MIPEP: variants seen among roughly 807,000 people sequenced by gnomAD.
The protein encoded by MIPEP is mitochondrial intermediate peptidase.
In MIPEP, 79 loss-of-function variants were observed where a neutral mutation model predicts 90.3. The observed-to-expected ratio is 0.87, with a 90% CI of 0.73 to 1.05. The LOEUF is 1.05. Ranked by LOEUF, MIPEP falls within the 50% of genes least tolerant of loss-of-function variation. The pLI, the probability that MIPEP is intolerant of heterozygous loss-of-function variation, is 0.00. For synonymous variants in MIPEP, 334 were observed against 315.8 expected, an observed-to-expected ratio of 1.06 and a Z score of -0.61; for missense variants, 940 against 905.6, an observed-to-expected ratio of 1.04 and a Z score of -0.49.
At chr13:23,839,097 G>C (rs2137459669) in intron 12 of MIPEP, among the ~76,000 whole-genome samples, 1 of 152,362 alleles carries the variant, frequency 6.6e-6, no homozygotes, top group South Asian at 2.1e-4. Context: ...TAAAGAAAAG[G>C]AGATGAGCTG....
chr13:23,884,223 G>C (rs182602403), intron 2 of MIPEP, among the ~76,000 whole-genome samples: 10 of 151,060 alleles, frequency 6.6e-5, no homozygotes, highest in Admixed American at 5.3e-4. Flanking sequence ...AGTGGGGAGG[G>C]GGGGGTGTGA....
At chr13:23,749,707 T>C (rs979687500) in intron 18 of MIPEP, among the ~76,000 whole-genome samples, 2 of 152,124 alleles carry the variant, frequency 1.3e-5, no homozygotes, top group African/African-American at 4.8e-5. Flanking sequence ...CATGCAACCA[T>C]CTCTATAACA....
chr13:23,786,946 G>A lies in MIPEP; in HGVS notation c.1848+19004C>T, dbSNP rs75948114. 1.0e-3 allele frequency among the ~76,000 whole-genome samples: 158 copies of A among 152,272 alleles called. 3 individuals carry two copies. In the East Asian group the frequency reaches 0.03, roughly 29 times the overall value. On this transcript the variant is annotated intron_variant, in intron 16 of 18. Transcript: ENST00000382172. ...GAGTACACAATCTTGAACACAAGGA[G>A]GGTCTGGGGCAAGATTTCAGAGCAA...
chr13:23,870,178 G>A lies in MIPEP; in HGVS notation c.621C>T (p.Asp207=). The change falls in exon 6 of 19, where the codon GAC becomes GAT. Residue 207 remains aspartate, a synonymous_variant. Transcript: ENST00000382172. ...LDKEKRKRAV[D]LNVKILDLSS... ...TCAAATCCAAGATTTTAACATTGAG[G>A]TCCACTGCTCTTTTACGCTGTATGC... 1 of 1,604,656 alleles carries A rather than the reference G, an allele frequency of 6.2e-7. No individual in the cohort carries two copies.
chr13:23,793,804 A>C (rs1168560229), intron 16 of MIPEP, among the ~76,000 whole-genome samples: 2 of 151,770 alleles, frequency 1.3e-5, no homozygotes, highest in Admixed American at 6.6e-5. Flanking sequence ...CAAAGGGAGC[A>C]GAAAGAGAGC....
At position 23,841,358 on chromosome 13, in the gene MIPEP, A is replaced by G; in HGVS notation, c.1237T>C (p.Trp413Arg). 6.2e-7 allele frequency: 1 copy of G among 1,613,374 alleles called. No homozygotes were observed. The highest frequency in any genetic ancestry group is 8.5e-7 in the Non-Finnish European group (1 of 1,179,834). Residue 413 changes from tryptophan to arginine, a missense_variant, in exon 11 of 19, where the codon TGG (tryptophan) becomes CGG (arginine). By Grantham distance (101) the Trp-to-Arg change is moderately radical (BLOSUM62 -3). Transcript: ENST00000382172. ...ACCAGTTTTCGGACATCTTCGCTCCACACCTCTCCTTTTGCAGGCTGCTCT... is the reference window on the plus strand; with the variant it reads ...ACCAGTTTTCGGACATCTTCGCTCCGCACCTCTCCTTTTGCAGGCTGCTCT... ...YAEQPAKGEV[W>R]SEDVRKLAVV... is the part of the protein sequence containing the mutation.
chr13:23,806,209 T>C (rs996682298), intron 15 of MIPEP, 140 bp from the exon 16 acceptor site: 1 of 841,256 alleles, frequency 1.2e-6, no homozygotes. Flanking sequence ...ACTTACATGG[T>C]TTGAAATGTA....
intron 16 of MIPEP, among the ~76,000 whole-genome samples, chr13:23,783,117 T>C (rs960751975): frequency 6.6e-6 from 1 of 152,164 alleles, no homozygotes; most frequent in African/African-American, 2.4e-5. Context: ...GAGGCCAGCA[T>C]CATCCTGATA....
chr13:23,822,825 T>C (rs1339211323), intron 14 of MIPEP, among the ~76,000 whole-genome samples: 1 of 151,908 alleles, frequency 6.6e-6, no homozygotes, highest in Non-Finnish European at 1.5e-5. Flanking sequence ...ATATGGATTG[T>C]AAGAACAGTA....
intron 16 of MIPEP, among the ~76,000 whole-genome samples, chr13:23,761,669 G>A (rs758386080): frequency 6.6e-6 from 1 of 152,192 alleles, no homozygotes; most frequent in African/African-American, 2.4e-5. Flanking sequence ...GCTTGCGATG[G>A]TATATCTGCT....
chr13:23,787,605 A>G (rs1035879438), intron 16 of MIPEP, among the ~76,000 whole-genome samples: 1 of 152,188 alleles, frequency 6.6e-6, no homozygotes, highest in African/African-American at 2.4e-5. Flanking sequence ...TTATCCAGGC[A>G]AATAACACAC....
intron 14 of MIPEP, among the ~76,000 whole-genome samples, chr13:23,823,397 T>C (rs1953331864): frequency 6.6e-6 from 1 of 152,196 alleles, no homozygotes; most frequent in Non-Finnish European, 1.5e-5. Context: ...ATAGAAGAAA[T>C]TCAGGTCCCT....
chr13:23,869,952 G>T (rs1870710287), intron 6 of MIPEP, 61 bp downstream of exon 6: 2 of 1,378,148 alleles, frequency 1.5e-6, no homozygotes, highest in Non-Finnish European at 1.9e-6. Context: ...TGAATTTTGG[G>T]TTAAAACAGT....
Position 23,806,043 on chromosome 13 carries a change from G to A in MIPEP, c.1755C>T (p.Ile585=). 6.2e-7 allele frequency: 1 copy of A among 1,613,972 alleles called. No homozygotes were observed. The highest frequency in any genetic ancestry group is 1.7e-4 in the Middle Eastern group (1 of 6,058). Reference sequence around the variant, plus strand: ...TCCTCAGGGGATGCTTCCCATGGTAGATTTGATCCAGAGTGGCATAAAAGA... The same window carrying A: ...TCCTCAGGGGATGCTTCCCATGGTAAATTTGATCCAGAGTGGCATAAAAGA... The part of the protein sequence containing the change: ...LQVFYATLDQ[I]YHGKHPLRNS... The change falls in exon 16 of 19, where the codon ATC becomes ATT. Residue 585 remains isoleucine, a synonymous_variant. Coordinates refer to ENST00000382172, the MANE Select transcript of MIPEP (RefSeq NM_005932.4).
At chr13:23,864,239 A>C in intron 7 of MIPEP, 50 bp from the exon 8 acceptor site, 1 of 1,216,222 alleles carries the variant, frequency 8.2e-7, no homozygotes. Flanking sequence ...AAATAAAATG[A>C]ACATATCTGT....
intron 14 of MIPEP, among the ~76,000 whole-genome samples, chr13:23,835,581 G>T (rs1005569571): frequency 6.6e-6 from 1 of 152,054 alleles, no homozygotes; most frequent in Non-Finnish European, 1.5e-5. Flanking sequence ...ATCACCTCAC[G>T]TAATACGGTT....
intron 5 of MIPEP, among the ~76,000 whole-genome samples, chr13:23,872,716 G>C (rs1870875015): frequency 6.6e-6 from 1 of 152,100 alleles, no homozygotes; most frequent in Admixed American, 6.5e-5. Context: ...CGGGGAAAGA[G>C]GAGCTACACT....
intron 16 of MIPEP, among the ~76,000 whole-genome samples, chr13:23,782,200 T>G (rs1340889443): frequency 6.6e-6 from 1 of 152,204 alleles, no homozygotes; most frequent in Non-Finnish European, 1.5e-5. Context: ...ACCACATAGT[T>G]GGAAGTAAAG....
At chr13:23,754,765 G>A (rs1382676630) in intron 18 of MIPEP, among the ~76,000 whole-genome samples, 1 of 152,134 alleles carries the variant, frequency 6.6e-6, no homozygotes, top group Non-Finnish European at 1.5e-5. Context: ...GAAACTCACC[G>A]CTTATTTCCG....
Sources: allele counts gnomAD v4.1 joint callset (sites outside exome capture counted in the v4.1 genomes callset), GRCh38; gene constraint gnomAD v4.1.1; transcripts MANE v1.5; gene names NCBI Gene and HGNC (gene_info 2026-07-23, HGNC 2026-07-21).